The following AIG1 variants were observed in gnomAD, a reference collection of about 807,000 sequenced individuals.
The protein encoded by AIG1 is androgen induced 1.
AIG1 carries 23 observed loss-of-function variants against 31.4 expected under a neutral mutation model. The ratio of observed to expected loss-of-function variants is 0.73; its 90% CI spans 0.53 to 1.04. The LOEUF (loss-of-function observed/expected upper bound fraction) is 1.04, where lower values mean the gene tolerates loss of function less well. AIG1 is among the 50% of genes least tolerant of loss of function. The probability of loss-of-function intolerance (pLI) is 0.00; values close to 1 mark genes in which losing one functional copy is unlikely to be tolerated. For missense variants in AIG1, 274 were observed against 295.0 expected (o/e 0.93, Z 0.52); for synonymous variants, 100 against 110.5 (o/e 0.90, Z 0.60).
At chr6:143,335,285 G>T (rs1296265955) in intron 5 of AIG1, 6 of 448,808 alleles carry the variant, frequency 1.3e-5, no homozygotes, top group Non-Finnish European at 1.5e-5. Flanking sequence ...TGTAATCCCG[G>T]CACTTTGGGA....
At chr6:143,289,453 G>T (rs1165007514) in intron 4 of AIG1, among the ~76,000 whole-genome samples, 4 of 152,114 alleles carry the variant, frequency 2.6e-5, no homozygotes, top group Non-Finnish European at 5.9e-5. Flanking sequence ...TTCCCCTAAT[G>T]GCTGTGAGTT....
At position 143,168,671 on chromosome 6, in the gene AIG1, T is replaced by C. The variant is rs534399326; in HGVS notation, c.399+3488T>C. Reference sequence around the variant, plus strand: ...AAAAAAAATTAGCTGGATGTGGTGGTATGAACATGTAGTCCTAGCTACTCA... The same window carrying C: ...AAAAAAAATTAGCTGGATGTGGTGGCATGAACATGTAGTCCTAGCTACTCA... On this transcript the variant is annotated intron_variant, in intron 3 of 5. Transcript: ENST00000357847. 1.7e-3 allele frequency among the ~76,000 whole-genome samples: 263 copies of C among 151,946 alleles called. 2 individuals carry two copies. Among genetic ancestry groups the C allele is most frequent in the African/African-American group, 6.0e-3 (249 of 41,420 alleles).
intron 1 of AIG1, among the ~76,000 whole-genome samples, chr6:143,083,715 C>T (rs1184306814): frequency 2.0e-5 from 3 of 152,100 alleles, no homozygotes; most frequent in Non-Finnish European, 4.4e-5. Context: ...TGCTGGGCCT[C>T]GGGTCTAAGT....
intron 1 of AIG1, among the ~76,000 whole-genome samples, chr6:143,090,686 C>A (rs999911392): frequency 6.6e-6 from 1 of 152,066 alleles, no homozygotes; most frequent in South Asian, 2.1e-4. Flanking sequence ...TACTTTATTG[C>A]TAAAATATCT....
At chr6:143,294,835 A>G (rs962781652) in intron 4 of AIG1, among the ~76,000 whole-genome samples, 1 of 152,090 alleles carries the variant, frequency 6.6e-6, no homozygotes, top group African/African-American at 2.4e-5. Flanking sequence ...GATCCCTCTC[A>G]GCCTCATTTG....
intron 3 of AIG1, among the ~76,000 whole-genome samples, chr6:143,278,561 CAGGTTCA>C (rs1444647424): frequency 2.0e-5 from 3 of 151,770 alleles, no homozygotes; most frequent in Non-Finnish European, 4.4e-5. Context: ...CTCTGCCTCC[CAGGTTCA>C]AGTGATTCTC....
intron 2 of AIG1, among the ~76,000 whole-genome samples, chr6:143,148,346 A>G (rs1463795116): frequency 6.6e-6 from 1 of 151,354 alleles, no homozygotes; most frequent in African/African-American, 2.4e-5. Flanking sequence ...ACAAAAAAAA[A>G]AAAAAAAAAA....
intron 3 of AIG1, among the ~76,000 whole-genome samples, chr6:143,208,685 C>T (rs769552375): frequency 1.8e-4 from 27 of 152,146 alleles, no homozygotes; most frequent in Non-Finnish European, 3.8e-4. Context: ...ATTCATACTG[C>T]ATAAAAGCAA....
At chr6:143,143,171 C>T (rs1253565880) in intron 2 of AIG1, among the ~76,000 whole-genome samples, 4 of 151,748 alleles carry the variant, frequency 2.6e-5, no homozygotes, top group Non-Finnish European at 5.9e-5. Flanking sequence ...AAGCAAATGT[C>T]TTTCCTTCTG....
At chr6:143,090,626 A>G (rs1444390493) in intron 1 of AIG1, among the ~76,000 whole-genome samples, 1 of 152,256 alleles carries the variant, frequency 6.6e-6, no homozygotes, top group African/African-American at 2.4e-5. Context: ...TAATCTACCA[A>G]GTGTGCAATG....
intron 3 of AIG1, among the ~76,000 whole-genome samples, chr6:143,181,166 GA>G (rs886129780): frequency 1.8e-4 from 27 of 151,770 alleles, no homozygotes; most frequent in South Asian, 1.2e-3. Flanking sequence ...TATTTCATAT[GA>G]AAAAAAACTG....
chr6:143,074,695 T>A (rs537316454), intron 1 of AIG1, among the ~76,000 whole-genome samples: 4 of 152,260 alleles, frequency 2.6e-5, no homozygotes, highest in Non-Finnish European at 5.9e-5. Flanking sequence ...CGAACCAAGC[T>A]TGCATTTGTG....
chr6:143,082,693 C>T (rs1437482825), intron 1 of AIG1, among the ~76,000 whole-genome samples: 1 of 152,124 alleles, frequency 6.6e-6, no homozygotes, highest in East Asian at 1.9e-4. Context: ...CATCAATTTC[C>T]TTACTCAGGT....
intron 1 of AIG1, among the ~76,000 whole-genome samples, chr6:143,068,941 T>TA (rs1259035975): frequency 1.3e-5 from 2 of 152,096 alleles, no homozygotes; most frequent in Non-Finnish European, 2.9e-5. Context: ...ATACTTCTGT[T>TA]AAAAAAACAA....
intron 1 of AIG1, among the ~76,000 whole-genome samples, chr6:143,076,073 A>G (rs574211191): frequency 3.3e-5 from 5 of 152,324 alleles, no homozygotes; most frequent in Admixed American, 2.6e-4. Flanking sequence ...TTAAATGTCA[A>G]CTAGGAGAAG....
intron 3 of AIG1, among the ~76,000 whole-genome samples, chr6:143,243,947 T>G (rs1179163751): frequency 1.3e-5 from 2 of 152,190 alleles, no homozygotes; most frequent in African/African-American, 2.4e-5. Flanking sequence ...TCAAAATCCT[T>G]CTCACCTCAG....
intron 4 of AIG1, among the ~76,000 whole-genome samples, chr6:143,289,852 C>G (rs1419691737): frequency 2.6e-5 from 4 of 152,060 alleles, no homozygotes; most frequent in African/African-American, 9.7e-5. Context: ...AATGTGTACC[C>G]TCTTTACTAA....
At chr6:143,087,824 C>T (rs7748623) in intron 1 of AIG1, among the ~76,000 whole-genome samples, 16,431 of 152,178 alleles carry the variant, frequency 0.11, 2,818 homozygotes, top group African/African-American at 0.37. Context: ...TCTCTATATT[C>T]TCGCTATAGA....
chr6:143,174,725 G>A (rs1332002782), intron 3 of AIG1, among the ~76,000 whole-genome samples: 1 of 151,998 alleles, frequency 6.6e-6, no homozygotes, highest in Non-Finnish European at 1.5e-5. Flanking sequence ...TGAGATGTGA[G>A]GTACTATTCA....
Sources: gnomAD v4.1 joint callset for allele counts (sites outside exome capture counted in the v4.1 genomes callset) on GRCh38, gnomAD v4.1.1 for gene constraint, MANE v1.5 for transcripts, NCBI Gene and HGNC (gene_info 2026-07-23, HGNC 2026-07-21) for gene names.